Variants in PLCB1 observed in about 807,000 individuals in gnomAD.
PLCB1 encodes the protein 1-phosphatidylinositol 4,5-bisphosphate phosphodiesterase beta-1.
In PLCB1, 46 loss-of-function variants were observed where a neutral mutation model predicts 161.8. That is an observed-to-expected ratio of 0.28 (90% CI 0.22 to 0.36). PLCB1 has a LOEUF of 0.36. Ranked by LOEUF, PLCB1 falls within the 10% of genes least tolerant of loss-of-function variation. The pLI, the probability that PLCB1 is intolerant of heterozygous loss-of-function variation, is 1.00. For missense variants in PLCB1, 1,016 were observed against 1,472.5 expected, an observed-to-expected ratio of 0.69 and a Z score of 5.07; for synonymous variants, 517 against 503.7, an observed-to-expected ratio of 1.03 and a Z score of -0.35.
chr20:8,473,799 G>C (rs1179436763), intron 3 of PLCB1, among the ~76,000 whole-genome samples: 2 of 152,140 alleles, frequency 1.3e-5, no homozygotes, highest in Non-Finnish European at 2.9e-5. Context: ...GCAAAGGCTG[G>C]GCACTCAGCA....
rs2146221940 is a variant in PLCB1 at position 8,789,587 on chromosome 20, C to T, written c.3336+12C>T. On this transcript the variant is annotated intron_variant, in intron 30 of 31. Coordinates refer to ENST00000338037, the MANE Select transcript of PLCB1 (RefSeq NM_015192.4). ...AGTATATCAAGAGGGTATGTGGGCTCATCACGCTCTCTCCTTTGCAAAACA... is the reference window on the plus strand; with the variant it reads ...AGTATATCAAGAGGGTATGTGGGCTTATCACGCTCTCTCCTTTGCAAAACA... The T allele has an allele frequency of 6.3e-7, 1 of 1,590,420 alleles. No individual in the cohort carries two copies. Among genetic ancestry groups the T allele is most frequent in the Non-Finnish European group, 8.6e-7 (1 of 1,158,468 alleles).
At chr20:8,674,591 A>G (rs1990030715) in intron 9 of PLCB1, among the ~76,000 whole-genome samples, 1 of 152,124 alleles carries the variant, frequency 6.6e-6, no homozygotes, top group African/African-American at 2.4e-5. Flanking sequence ...AGGCCCATCT[A>G]CTTAGACACT....
intron 9 of PLCB1, among the ~76,000 whole-genome samples, chr20:8,683,375 T>G (rs150368906): frequency 5.6e-3 from 797 of 142,064 alleles, no homozygotes; most frequent in Non-Finnish European, 9.4e-3. Flanking sequence ...ACTTTTATAG[T>G]AATAAAAACT....
At chr20:8,339,808 TA>T (rs979836141) in intron 2 of PLCB1, among the ~76,000 whole-genome samples, 2 of 152,070 alleles carry the variant, frequency 1.3e-5, no homozygotes, top group African/African-American at 4.8e-5. Context: ...AATGCTATAT[TA>T]AAAAGTTAAT....
chr20:8,305,934 G>A (rs1259465277), intron 2 of PLCB1: 4 of 152,182 alleles, frequency 2.6e-5, no homozygotes, highest in Non-Finnish European at 5.9e-5. Context: ...GGCTGCTAAG[G>A]TAAATTGAAC....
At chr20:8,620,999 A>AT (rs1361983562) in intron 3 of PLCB1, among the ~76,000 whole-genome samples, 1 of 152,200 alleles carries the variant, frequency 6.6e-6, no homozygotes, top group Admixed American at 6.5e-5. Flanking sequence ...AGTAGATATC[A>AT]TTACAAAATA....
chr20:8,874,606 G>A (rs1987715382), intron 31 of PLCB1, among the ~76,000 whole-genome samples: 3 of 151,930 alleles, frequency 2.0e-5, no homozygotes. Flanking sequence ...CAGTCTTTAT[G>A]GGTGAAATGT....
chr20:8,694,866 T>C (rs559378390), intron 10 of PLCB1, among the ~76,000 whole-genome samples: 1 of 152,362 alleles, frequency 6.6e-6, no homozygotes, highest in African/African-American at 2.4e-5. Flanking sequence ...CATTTTAAAT[T>C]AAATAACCTG....
Position 8,790,158 on chromosome 20 carries a change from T to C in PLCB1, c.3337-17T>C, listed in dbSNP as rs755445576. ...AATGTTTAGATGAAAGTAATGTTTC[T>C]TGTAACTTTCTTATAGCTAGAAGAA... is the stretch of plus-strand genomic sequence containing the variant. On this transcript the variant is annotated splice_polypyrimidine_tract_variant and intron_variant, in intron 30 of 31. Transcript: ENST00000338037. The C allele has an allele frequency of 1.3e-6, 2 of 1,580,604 alleles. No homozygotes were observed. The highest frequency in any genetic ancestry group is 1.7e-6 in the Non-Finnish European group (2 of 1,152,326).
intron 2 of PLCB1, among the ~76,000 whole-genome samples, chr20:8,193,950 C>T (rs78778603): frequency 0.045 from 6,815 of 151,940 alleles, 191 homozygotes; most frequent in Middle Eastern, 0.13. Context: ...ATGTGATGTT[C>T]AGAAGCTCAG....
At chr20:8,213,715 A>G (rs73897316) in intron 2 of PLCB1, among the ~76,000 whole-genome samples, 4,191 of 151,824 alleles carry the variant, frequency 0.028, 206 homozygotes, top group African/African-American at 0.092. Flanking sequence ...GTGTCTTCAT[A>G]AGAGTAACAT....
intron 2 of PLCB1, among the ~76,000 whole-genome samples, chr20:8,297,180 C>T (rs751058756): frequency 6.6e-6 from 1 of 151,968 alleles, no homozygotes; most frequent in Non-Finnish European, 1.5e-5. Flanking sequence ...TGCATGTATA[C>T]ATGCATGTAT....
chr20:8,181,830 C>T (rs904559174), intron 2 of PLCB1, among the ~76,000 whole-genome samples: 1 of 152,040 alleles, frequency 6.6e-6, no homozygotes. Flanking sequence ...AATATCTGGG[C>T]ATGGCGAATC....
At chr20:8,387,811 G>A (rs988755806) in intron 3 of PLCB1, among the ~76,000 whole-genome samples, 8 of 152,074 alleles carry the variant, frequency 5.3e-5, no homozygotes, top group Admixed American at 6.6e-5. Context: ...AGGAGAAAAT[G>A]GGGAGTTATT....
chr20:8,815,658 G>A (rs534107128), intron 31 of PLCB1, among the ~76,000 whole-genome samples: 2 of 152,222 alleles, frequency 1.3e-5, no homozygotes, highest in South Asian at 2.1e-4. Context: ...TTGTACTCCC[G>A]ACCTCAAACC....
At chr20:8,501,933 T>C (rs538340446) in intron 3 of PLCB1, among the ~76,000 whole-genome samples, 64 of 139,928 alleles carry the variant, frequency 4.6e-4, no homozygotes, top group South Asian at 1.4e-3. Context: ...TTCTTGCTTG[T>C]ATTATCCCTA....
intron 31 of PLCB1, among the ~76,000 whole-genome samples, chr20:8,874,982 T>C (rs1987729530): frequency 6.6e-6 from 1 of 151,328 alleles, no homozygotes; most frequent in Admixed American, 6.6e-5. Context: ...TAAAGGAAAT[T>C]TCTTTTAAAT....
intron 1 of PLCB1, among the ~76,000 whole-genome samples, chr20:8,135,068 T>C (rs1207289897): frequency 6.6e-6 from 1 of 152,122 alleles, no homozygotes; most frequent in African/African-American, 2.4e-5. Context: ...CCTTCCAGAA[T>C]CAAGCCAGTT....
At chr20:8,137,259 C>T (rs900747358) in intron 1 of PLCB1, among the ~76,000 whole-genome samples, 1 of 152,082 alleles carries the variant, frequency 6.6e-6, no homozygotes, top group African/African-American at 2.4e-5. Flanking sequence ...TAAATGATGA[C>T]AAGATGACAC....
Sources: allele counts gnomAD v4.1 joint callset (sites outside exome capture counted in the v4.1 genomes callset), GRCh38; gene constraint gnomAD v4.1.1; transcripts MANE v1.5; gene names NCBI Gene and HGNC (gene_info 2026-07-23, HGNC 2026-07-21).